Variants in NXPH2 observed in about 807,000 individuals in gnomAD.
NXPH2 encodes the protein neurexophilin 2.
A neutral mutation model predicts 19.8 loss-of-function variants in NXPH2; 5 were observed. That is an observed-to-expected ratio of 0.25 (90% CI 0.13 to 0.53). The LOEUF (loss-of-function observed/expected upper bound fraction) is 0.53. NXPH2 is among the 20% of genes least tolerant of loss of function. NXPH2 has a pLI of 0.96. For missense variants in NXPH2, 289 were observed against 322.8 expected, an observed-to-expected ratio of 0.90 and a Z score of 0.80; for synonymous variants, 154 against 127.4, an observed-to-expected ratio of 1.21 and a Z score of -1.41.
At chr2:138,755,967 C>T (rs566931164) in intron 1 of NXPH2, among the ~76,000 whole-genome samples, 56 of 151,812 alleles carry the variant, frequency 3.7e-4, no homozygotes, top group African/African-American at 1.3e-3. Context: ...TTTCAAATTC[C>T]AGTTGTTCTT....
At chr2:138,724,468 G>A (rs139342010) in intron 1 of NXPH2, among the ~76,000 whole-genome samples, 158 of 152,354 alleles carry the variant, frequency 1.0e-3, no homozygotes, top group African/African-American at 3.8e-3. Flanking sequence ...GTGTGTGCAT[G>A]CTTGTGTGCT....
chr2:138,715,435 A>C (rs1681181620), intron 1 of NXPH2, among the ~76,000 whole-genome samples: 1 of 152,224 alleles, frequency 6.6e-6, no homozygotes, highest in South Asian at 2.1e-4. Context: ...CAGATTTTTA[A>C]ATAAATGTAT....
chr2:138,688,828 C>A lies in NXPH2; in HGVS notation c.52-17163G>T, dbSNP rs117995680. Among the ~76,000 whole-genome samples, 89 of 152,222 alleles carry A rather than the reference C, an allele frequency of 5.8e-4. No individual in the cohort carries two copies. The East Asian group carries it at 0.015, about 26-fold the overall frequency. ...TCCTGATAGACTTGGTCACCACCGC[C>A]CCCCCAACCCCCGGCCGAAACTGCC... is the stretch of plus-strand genomic sequence containing the variant. On this transcript the variant is annotated intron_variant, in intron 1 of 1. Coordinates refer to ENST00000272641, the MANE Select transcript of NXPH2 (RefSeq NM_007226.3).
chr2:138,730,395 T>C (rs556952057), intron 1 of NXPH2, among the ~76,000 whole-genome samples: 1 of 152,078 alleles, frequency 6.6e-6, no homozygotes, highest in African/African-American at 2.4e-5. Context: ...TCTCCAAATA[T>C]AGTCACATTT....
chr2:138,675,795 G>T (rs146752850), intron 1 of NXPH2, among the ~76,000 whole-genome samples: 1 of 152,016 alleles, frequency 6.6e-6, no homozygotes, highest in Admixed American at 6.6e-5. Context: ...ACACACTACT[G>T]TTGAGGTCCA....
intron 1 of NXPH2, among the ~76,000 whole-genome samples, chr2:138,711,165 G>A (rs555165282): frequency 0.059 from 197 of 3,322 alleles, 2 homozygotes; most frequent in Non-Finnish European, 0.17. Context: ...TTTTGAGATT[G>A]AGTCTCGCTC....
At chr2:138,713,528 A>G (rs1310805391) in intron 1 of NXPH2, among the ~76,000 whole-genome samples, 1 of 152,142 alleles carries the variant, frequency 6.6e-6, no homozygotes, top group African/African-American at 2.4e-5. Context: ...GGAAAGGAAA[A>G]CATGATATAT....
At chr2:138,671,841 A>C (rs138492790) in intron 1 of NXPH2, among the ~76,000 whole-genome samples, 176 bp from the exon 2 acceptor site, 3 of 152,356 alleles carry the variant, frequency 2.0e-5, no homozygotes, top group Non-Finnish European at 4.4e-5. Flanking sequence ...AATTCAAGCA[A>C]TGGAAAACTG....
intron 1 of NXPH2, among the ~76,000 whole-genome samples, chr2:138,757,794 T>C (rs1034068754): frequency 6.7e-6 from 1 of 149,260 alleles, no homozygotes; most frequent in Non-Finnish European, 1.5e-5. Context: ...TGTGTATGTA[T>C]GTATATGTGT....
intron 1 of NXPH2, among the ~76,000 whole-genome samples, chr2:138,712,424 C>T (rs528197352): frequency 9.9e-5 from 15 of 152,284 alleles, no homozygotes; most frequent in East Asian, 5.8e-4. Flanking sequence ...TTCTGGACTT[C>T]GGAGTTCTGT....
At chr2:138,754,010 GT>G (rs1355350468) in intron 1 of NXPH2, among the ~76,000 whole-genome samples, 1 of 151,880 alleles carries the variant, frequency 6.6e-6, no homozygotes, top group East Asian at 1.9e-4. Flanking sequence ...TTTGTTGTTT[GT>G]TTTTTGAGGT....
At chr2:138,672,829 C>A (rs1265848374) in intron 1 of NXPH2, among the ~76,000 whole-genome samples, 1 of 152,158 alleles carries the variant, frequency 6.6e-6, no homozygotes, top group Non-Finnish European at 1.5e-5. Context: ...TGCTTTCAAT[C>A]CAATTTTGAA....
Position 138,671,576 on chromosome 2 carries a change from C to T in NXPH2, c.141G>A (p.Val47=). Reference sequence around the variant, plus strand: ...GGGGACTGATGATCCTTGAGTGCACCACGTTGCCGACCAACGTCCCTGGAG... The same window carrying T: ...GGGGACTGATGATCCTTGAGTGCACTACGTTGCCGACCAACGTCCCTGGAG... ...KDAPGTLVGN[V]VHSRIISPLR... The change falls in exon 2 of 2, where the codon GTG becomes GTA. Residue 47 remains valine (V), a synonymous_variant. Coordinates refer to ENST00000272641, the MANE Select transcript of NXPH2 (RefSeq NM_007226.3). 6 of 1,613,586 alleles carry T rather than the reference C, an allele frequency of 3.7e-6. No homozygotes were observed. Among genetic ancestry groups the T allele is most frequent in the Non-Finnish European group, 5.1e-6 (6 of 1,179,718 alleles).
At chr2:138,693,831 G>T (rs910467604) in intron 1 of NXPH2, among the ~76,000 whole-genome samples, 9 of 152,130 alleles carry the variant, frequency 5.9e-5, no homozygotes, top group Non-Finnish European at 1.3e-4. Flanking sequence ...AGTGTTATGG[G>T]TTGAATTATG....
At chr2:138,733,155 T>C (rs993214272) in intron 1 of NXPH2, among the ~76,000 whole-genome samples, 1 of 152,202 alleles carries the variant, frequency 6.6e-6, no homozygotes, top group African/African-American at 2.4e-5. Flanking sequence ...ATCTACACAG[T>C]CTATAATGAA....
chr2:138,677,523 G>A (rs1680502416), intron 1 of NXPH2, among the ~76,000 whole-genome samples: 1 of 152,192 alleles, frequency 6.6e-6, no homozygotes, highest in South Asian at 2.1e-4. Context: ...GAAGCAGGTG[G>A]AAGGAAGGGA....
At chr2:138,761,064 G>A (rs904585910) in intron 1 of NXPH2, among the ~76,000 whole-genome samples, 4 of 152,142 alleles carry the variant, frequency 2.6e-5, no homozygotes, top group Non-Finnish European at 5.9e-5. Context: ...ATCTTATAGG[G>A]ATTTTCAGGG....
chr2:138,753,491 A>G (rs1055948467), intron 1 of NXPH2, among the ~76,000 whole-genome samples: 37 of 152,296 alleles, frequency 2.4e-4, no homozygotes, highest in African/African-American at 8.2e-4. Flanking sequence ...TTAGAAACCA[A>G]AATCTGGTTT....
At chr2:138,768,514 T>C (rs560800067) in intron 1 of NXPH2, among the ~76,000 whole-genome samples, 2 of 152,212 alleles carry the variant, frequency 1.3e-5, no homozygotes, top group Non-Finnish European at 2.9e-5. Context: ...GAACACAGCA[T>C]CTTAAATGAA....
Sources: allele counts gnomAD v4.1 joint callset (sites outside exome capture counted in the v4.1 genomes callset), GRCh38; gene constraint gnomAD v4.1.1; transcripts MANE v1.5; gene names NCBI Gene and HGNC (gene_info 2026-07-23, HGNC 2026-07-21).